ZPBP2: variants seen among roughly 807,000 people sequenced by gnomAD.
ZPBP2 encodes the protein zona pellucida-binding protein 2.
In ZPBP2, 34 loss-of-function variants were observed where a neutral mutation model predicts 37.5. That is an observed-to-expected ratio of 0.91 (90% CI 0.69 to 1.21). The LOEUF is 1.21. ZPBP2 is among the 50% of genes most tolerant of loss of function. The pLI is 0.00. For synonymous variants in ZPBP2, 143 were observed against 138.4 expected (o/e 1.03, Z -0.23); for missense variants, 397 against 413.5 (o/e 0.96, Z 0.35).
At chr17:39,875,474 G>T in intron 7 of ZPBP2, 40 bp downstream of exon 7, 1 of 1,420,068 alleles carries the variant, frequency 7.0e-7, no homozygotes, top group Non-Finnish European at 9.4e-7. Flanking sequence ...TTAGGTTATA[G>T]AGTCAGAAGA....
chr17:39,868,449 C>G, intron 1 of ZPBP2, 43 bp downstream of exon 1: 1 of 1,611,796 alleles, frequency 6.2e-7, no homozygotes, highest in Non-Finnish European at 8.5e-7. Flanking sequence ...TCCCTCTGCC[C>G]GAGCTTCCCG....
chr17:39,875,729 G>C (rs1205246825), intron 7 of ZPBP2, among the ~76,000 whole-genome samples: 2 of 151,424 alleles, frequency 1.3e-5, no homozygotes, highest in Non-Finnish European at 2.9e-5. Context: ...CTCCCCAGTA[G>C]CTACCACAGC....
At chr17:39,872,951 G>T in intron 5 of ZPBP2, 93 bp from the exon 6 acceptor site, 2 of 1,046,406 alleles carry the variant, frequency 1.9e-6, no homozygotes, top group Non-Finnish European at 1.4e-6. Context: ...ACATGTGCCT[G>T]CATGCACATG....
At position 39,871,320 on chromosome 17, in the gene ZPBP2, T is replaced by C. The variant is rs1489016043; in HGVS notation, c.245-144T>C. 6 of 549,420 alleles carry C rather than the reference T, an allele frequency of 1.1e-5. No homozygotes were observed. The Admixed American group carries it at 1.8e-4, about 16-fold the overall frequency. The allele number at this position is 549,420 out of a possible 1,614,324, so 34.0% of individuals were successfully genotyped here. A position where few individuals can be genotyped will look rare whatever the true frequency, so the allele number is the denominator to read the frequency against. On this transcript the variant is annotated intron_variant, in intron 3 of 7. Coordinates refer to ENST00000348931, the MANE Select transcript of ZPBP2 (RefSeq NM_199321.3). ...TCATGTAGTCTTCCACAGAGTAATA[T>C]GACAGAATTAAGATTTTGTGGGATC...
In ZPBP2 at chr17:39,873,049, C is replaced by A. The variant is rs781440848; in HGVS notation, c.631C>A (p.Pro211Thr). The A allele has an allele frequency of 3.1e-6, 5 of 1,609,776 alleles. No individual in the cohort carries two copies. The African/African-American group carries it at 6.7e-5, about 22-fold the overall frequency. The change falls in exon 6 of 8, where the codon CCT (proline) becomes ACT (threonine). Residue 211 changes from proline to threonine, a missense_variant. Physicochemically the swap from Pro to Thr is conservative, Grantham distance 38. Coordinates refer to ENST00000348931, the MANE Select transcript of ZPBP2 (RefSeq NM_199321.3). Reference sequence around the variant, plus strand: ...ATCATTTTTTTTCTCTTCAGTTAATCCTTTTGCGCCGGGGTGGAAAGGTGC... The same window carrying A: ...ATCATTTTTTTTCTCTTCAGTTAATACTTTTGCGCCGGGGTGGAAAGGTGC... ...HELFIAFQVN[P>T]FAPGWKGACN...
intron 1 of ZPBP2, 36 bp from the exon 2 acceptor site, chr17:39,868,513 T>C (rs1337500051): frequency 6.2e-7 from 1 of 1,614,110 alleles, no homozygotes; most frequent in Non-Finnish European, 8.5e-7. Context: ...CCTGCTCCTC[T>C]TCTAACTAAA....
Position 39,870,676 on chromosome 17 carries a change from T to C in ZPBP2, c.119-18T>C, listed in dbSNP as rs753883023. ...TTTGCTATATAATGTAGTTATACAT[T>C]ATTTTATTTCATCACAGACAAAATA... is the stretch of plus-strand genomic sequence containing the variant. On this transcript the variant is annotated intron_variant, in intron 2 of 7. Transcript: ENST00000348931. The C allele has an allele frequency of 3.0e-6, 4 of 1,353,236 alleles. No individual in the cohort carries two copies. Among genetic ancestry groups the C allele is most frequent in the Non-Finnish European group, 4.0e-6 (4 of 1,004,602 alleles). The allele number at this position is 1,353,236 out of a possible 1,614,324, so 83.8% of individuals were successfully genotyped here.
At chr17:39,876,494 A>G (rs563480326) in intron 7 of ZPBP2, among the ~76,000 whole-genome samples, 188 bp from the exon 8 acceptor site, 50 of 152,318 alleles carry the variant, frequency 3.3e-4, no homozygotes, top group African/African-American at 1.1e-3. Flanking sequence ...AAGATCATCA[A>G]ATTATAAAGT....
At chr17:39,869,389 C>T (rs112745149) in intron 2 of ZPBP2, among the ~76,000 whole-genome samples, 2,936 of 130,228 alleles carry the variant, frequency 0.023, 55 homozygotes, top group Non-Finnish European at 0.039. Context: ...TTCTTTCTTT[C>T]TTTCCTTCCT....
At chr17:39,875,583 C>G (rs910281967) in intron 7 of ZPBP2, 149 bp downstream of exon 7, 7 of 638,636 alleles carry the variant, frequency 1.1e-5, no homozygotes, top group African/African-American at 1.9e-5. Flanking sequence ...AGTAAAAATT[C>G]AAAGCCCCAA....
rs546808135 is a variant in ZPBP2 at position 39,877,559 on chromosome 17, T to C, written c.*750T>C. ...CCATTGCAGTCTCATACAGAATAGT[T>C]TCACCACCCTCAAAATCCTGTGCTT... On this transcript the variant is annotated 3_prime_UTR_variant, in exon 8 of 8. Coordinates refer to ENST00000348931, the MANE Select transcript of ZPBP2 (RefSeq NM_199321.3). 198 of 152,306 alleles carry C rather than the reference T, an allele frequency of 1.3e-3. 1 individual carries two copies. The highest frequency in any genetic ancestry group is 4.5e-3 in the African/African-American group (189 of 41,560). The allele number at this position is 152,306 out of a possible 1,614,324, so 9.4% of individuals were successfully genotyped here.
chr17:39,868,567 C>T lies in ZPBP2; in HGVS notation c.71C>T (p.Thr24Ile). 6.2e-7 allele frequency: 1 copy of T among 1,614,142 alleles called. No homozygotes were observed. The highest frequency in any genetic ancestry group is 8.5e-7 in the Non-Finnish European group (1 of 1,180,026). The change falls in exon 2 of 8, where the codon ACC becomes ATC. Residue 24 changes from threonine to isoleucine, a missense_variant. Physicochemically the swap from Thr to Ile is moderately conservative, Grantham distance 89. Transcript: ENST00000348931. ...CLTGVQCPRF[T>I]LFNKKGFIYG... ...TCCGCAGTCCAATGCCCGCGTTTTA[C>T]CTTATTCAATAAGAAGGGCTTCATT... is the stretch of plus-strand genomic sequence containing the variant.
rs1340670197 is a variant in ZPBP2 at position 39,877,631 on chromosome 17, T to C, written c.*822T>C. On this transcript the variant is annotated 3_prime_UTR_variant, in exon 8 of 8. Transcript: ENST00000348931. ...GTGCCCTGGCAACCACTGATCTTTT[T>C]ACTGTCTCTACAGTTTTGCCTTTTC... 3 of 152,218 alleles carry C rather than the reference T, an allele frequency of 2.0e-5. No homozygotes were observed. Among genetic ancestry groups the C allele is most frequent in the Non-Finnish European group, 2.9e-5 (2 of 68,034 alleles). 9.4% of individuals were successfully genotyped at this position (152,218 alleles called of 1,614,324 possible).
chr17:39,868,946 G>A (rs1230142806), intron 2 of ZPBP2, among the ~76,000 whole-genome samples: 1 of 152,082 alleles, frequency 6.6e-6, no homozygotes, highest in Non-Finnish European at 1.5e-5. Flanking sequence ...CTTCTGTTTG[G>A]AATATCTTTA....
chr17:39,868,502 C>G (rs538783624), intron 1 of ZPBP2, 47 bp from the exon 2 acceptor site: 1 of 1,613,944 alleles, frequency 6.2e-7, no homozygotes, highest in African/African-American at 1.3e-5. Context: ...CGACTCTGAA[C>G]CCTGCTCCTC....
In ZPBP2 at chr17:39,872,267, A is replaced by C. The variant is rs780779307; in HGVS notation, c.407-3A>C. 2 of 1,569,810 alleles carry C rather than the reference A, an allele frequency of 1.3e-6. No homozygotes were observed. On this transcript the variant is annotated splice_region_variant and splice_polypyrimidine_tract_variant and intron_variant, in intron 4 of 7. Transcript: ENST00000348931. ...CACTCTCATCTTTCTTTTTTTTTTA[A>C]AGCCTATCGGGAACCTGATTATTCA...
chr17:39,875,477 T>G, intron 7 of ZPBP2, 43 bp downstream of exon 7: 1 of 1,416,296 alleles, frequency 7.1e-7, no homozygotes, highest in Non-Finnish European at 9.4e-7. Flanking sequence ...GGTTATAGAG[T>G]CAGAAGAATA....
chr17:39,870,811 C>A lies in ZPBP2; in HGVS notation c.236C>A (p.Thr79Lys). 1 of 1,506,500 alleles carries A rather than the reference C, an allele frequency of 6.6e-7. No individual in the cohort carries two copies. The allele number at this position is 1,506,500 out of a possible 1,614,324, so 93.3% of individuals were successfully genotyped here. The change falls in exon 3 of 8, where the codon ACG (threonine) becomes AAG (lysine). Residue 79 changes from threonine to lysine, a missense_variant. Coordinates refer to ENST00000348931, the MANE Select transcript of ZPBP2 (RefSeq NM_199321.3). ...TTATGGATTGGGCCTAATGAAAAGA[C>A]GTTAACAGGTAAATTTGATTTTAAT... ...TYLWIGPNEK[T>K]LTGNNRINIT...
Position 39,876,846 on chromosome 17 carries a change from G to A in ZPBP2, c.*37G>A. The A allele has an allele frequency of 6.2e-7, 1 of 1,609,670 alleles. No individual in the cohort carries two copies. Among genetic ancestry groups the A allele is most frequent in the Non-Finnish European group, 8.5e-7 (1 of 1,177,496 alleles). On this transcript the variant is annotated 3_prime_UTR_variant, in exon 8 of 8. Transcript: ENST00000348931. ...TTGTTACTTACTTGTGGAAGTCGGG[G>A]ACATAAGATGATTTTCACATCCCAG... is the stretch of plus-strand genomic sequence containing the variant.
Sources: allele counts gnomAD v4.1 joint callset (sites outside exome capture counted in the v4.1 genomes callset), GRCh38; gene constraint gnomAD v4.1.1; transcripts MANE v1.5; gene names NCBI Gene and HGNC (gene_info 2026-07-23, HGNC 2026-07-21).